The following ESR1 variants were observed in gnomAD, a reference collection of about 807,000 sequenced individuals.
The protein encoded by ESR1 is estrogen receptor.
A neutral mutation model predicts 52.7 loss-of-function variants in ESR1; 12 were observed. The ratio of observed to expected loss-of-function variants is 0.23; its 90% confidence interval spans 0.15 to 0.37. ESR1 has a LOEUF of 0.37. ESR1 is among the 10% of genes least tolerant of loss of function. The probability of loss-of-function intolerance (pLI) is 1.00; values close to 1 mark genes in which losing one functional copy is unlikely to be tolerated. For synonymous variants in ESR1, 305 were observed against 316.8 expected, an observed-to-expected ratio of 0.96 and a Z score of 0.39; for missense variants, 584 against 779.7, an observed-to-expected ratio of 0.75 and a Z score of 2.99.
At chr6:152,085,892 T>G (rs561205673) in intron 6 of ESR1, among the ~76,000 whole-genome samples, 1 of 152,164 alleles carries the variant, frequency 6.6e-6, no homozygotes, top group Non-Finnish European at 1.5e-5. Context: ...ATAGGAGATA[T>G]TGGTGTGGTC....
Position 152,099,659 on chromosome 6 carries a change from T to A in ESR1, c.*693T>A. ...ATGTGCTGAAAGCTCTGCCTCTGGC[T>A]TTCCGGTCATGGGTTCCAGTTAATT... is the stretch of plus-strand genomic sequence containing the variant. On this transcript the variant is annotated 3_prime_UTR_variant, in exon 8 of 8. Coordinates refer to ENST00000206249, the MANE Select transcript of ESR1 (RefSeq NM_000125.4). The A allele has an allele frequency of 3.9e-6, 1 of 257,420 alleles. No individual in the cohort carries two copies. The highest frequency in any genetic ancestry group is 7.4e-6 in the Non-Finnish European group (1 of 135,096). 15.9% of individuals were successfully genotyped at this position (257,420 alleles called of 1,614,324 possible). A position where few individuals can be genotyped will look rare whatever the true frequency, so the allele number is the denominator to read the frequency against.
chr6:152,049,546 A>G (rs1458362197), intron 5 of ESR1, among the ~76,000 whole-genome samples: 1 of 152,220 alleles, frequency 6.6e-6, no homozygotes, highest in Non-Finnish European at 1.5e-5. Context: ...AATTTCCACA[A>G]TAACCATTTG....
chr6:151,713,251 C>T (rs7455028), intron 2 of ESR1, among the ~76,000 whole-genome samples: 39,076 of 151,994 alleles, frequency 0.26, 5,224 homozygotes, highest in Non-Finnish European at 0.27. Flanking sequence ...AGTATTTTAT[C>T]GAGGATTTTT....
intron 2 of ESR1, among the ~76,000 whole-genome samples, chr6:151,729,686 A>G (rs1459194504): frequency 2.0e-5 from 3 of 152,128 alleles, no homozygotes; most frequent in East Asian, 3.9e-4. Flanking sequence ...CTATTCCTCT[A>G]TTTACAGATG....
At chr6:151,824,720 A>G (rs1781175193) in intron 1 of ESR1, among the ~76,000 whole-genome samples, 1 of 152,156 alleles carries the variant, frequency 6.6e-6, no homozygotes, top group South Asian at 2.1e-4. Context: ...TGGGAGGCCA[A>G]GGCCTCCTGG....
chr6:151,921,693 T>C (rs959676606), intron 3 of ESR1, among the ~76,000 whole-genome samples: 1 of 152,220 alleles, frequency 6.6e-6, no homozygotes, highest in African/African-American at 2.4e-5. Flanking sequence ...TGATCAGTGA[T>C]GTTGAGCTTT....
chr6:151,836,893 T>C (rs574743573), intron 1 of ESR1, among the ~76,000 whole-genome samples: 13 of 152,304 alleles, frequency 8.5e-5, no homozygotes, highest in African/African-American at 2.6e-4. Flanking sequence ...AAACCAAGGC[T>C]TCTTAAATTT....
intron 5 of ESR1, among the ~76,000 whole-genome samples, chr6:152,030,489 T>C (rs1443880519): frequency 1.3e-5 from 2 of 152,162 alleles, no homozygotes; most frequent in Non-Finnish European, 2.9e-5. Context: ...GTTGCAATCC[T>C]AGTCTCTGTT....
chr6:151,783,177 C>A (rs1216515707), intron 2 of ESR1, among the ~76,000 whole-genome samples: 3 of 152,226 alleles, frequency 2.0e-5, no homozygotes, highest in Non-Finnish European at 4.4e-5. Context: ...TGAAATCCAG[C>A]CCCAGTCAGC....
chr6:151,977,108 A>G (rs770692875), intron 4 of ESR1, among the ~76,000 whole-genome samples: 19 of 152,114 alleles, frequency 1.2e-4, no homozygotes, highest in Non-Finnish European at 2.6e-4. Context: ...AAAGTATGCC[A>G]TTGTAGAGAG....
rs527946845 is a variant in ESR1, at chr6:151,846,287, C to T, written c.643+3500C>T. On this transcript the variant is annotated intron_variant, in intron 2 of 7. Transcript: ENST00000206249. ...ATTTAATCCTAGACTGTGTAAAAAC[C>T]AAGTAATTGATTTCCTTTATACTTT... Among the ~76,000 whole-genome samples, 6 of 152,248 alleles carry T rather than the reference C, an allele frequency of 3.9e-5. No homozygotes were observed. The East Asian group carries it at 1.2e-3, about 29-fold the overall frequency.
intron 2 of ESR1, among the ~76,000 whole-genome samples, chr6:151,716,927 C>T (rs562223313): frequency 5.3e-5 from 8 of 152,316 alleles, no homozygotes; most frequent in African/African-American, 1.9e-4. Flanking sequence ...CAAATGGCTG[C>T]CCAGTTTTTG....
chr6:152,008,826 G>A (rs979596108), intron 4 of ESR1, among the ~76,000 whole-genome samples: 6 of 152,066 alleles, frequency 3.9e-5, no homozygotes, highest in East Asian at 1.9e-4. Flanking sequence ...TTAATGTACC[G>A]TGTAAGTTTA....
At chr6:151,812,668 G>A (rs1250802579) in intron 1 of ESR1, among the ~76,000 whole-genome samples, 7 of 152,120 alleles carry the variant, frequency 4.6e-5, no homozygotes, top group South Asian at 2.1e-4. Context: ...AGAGAGCAGC[G>A]TGCTAAGTGT....
Position 151,784,939 on chromosome 6 carries a change from C to T in ESR1, c.-70-22904C>T, listed in dbSNP as rs556951920. On this transcript the variant is annotated intron_variant, in intron 2 of 2. Transcript: ENST00000404742. ...AGGAGTTAATGCTACATTCTAGGGACATTTTTTTCTTCTCTGGAAACTTCA... is the reference window on the plus strand; with the variant it reads ...AGGAGTTAATGCTACATTCTAGGGATATTTTTTTCTTCTCTGGAAACTTCA... Among the ~76,000 whole-genome samples, 139 of 152,300 alleles carry T rather than the reference C, an allele frequency of 9.1e-4. 1 individual carries two copies. The highest frequency in any genetic ancestry group is 3.3e-3 in the African/African-American group (136 of 41,564).
intron 1 of ESR1, among the ~76,000 whole-genome samples, chr6:151,675,820 T>G (rs573896218): frequency 6.6e-6 from 1 of 152,126 alleles, no homozygotes; most frequent in Non-Finnish European, 1.5e-5. Context: ...ATTAGCAAAA[T>G]TCGAATTGAT....
intron 1 of ESR1, among the ~76,000 whole-genome samples, chr6:151,657,608 A>G (rs1461880672): frequency 6.6e-6 from 1 of 152,148 alleles, no homozygotes; most frequent in Non-Finnish European, 1.5e-5. Context: ...TCACTGGTGA[A>G]CTTTTCATGC....
chr6:151,671,628 T>C (rs143172645), intron 1 of ESR1, among the ~76,000 whole-genome samples: 216 of 152,312 alleles, frequency 1.4e-3, no homozygotes, highest in Admixed American at 5.4e-3. Context: ...GCATGGTGAC[T>C]GTAGTTAATA....
intron 4 of ESR1, among the ~76,000 whole-genome samples, chr6:151,972,846 G>A (rs1457284603): frequency 6.6e-6 from 1 of 152,194 alleles, no homozygotes; most frequent in Non-Finnish European, 1.5e-5. Flanking sequence ...GAAGCCAAAA[G>A]TGCAGCCTTC....
Sources: allele counts gnomAD v4.1 joint callset (sites outside exome capture counted in the v4.1 genomes callset), GRCh38; gene constraint gnomAD v4.1.1; transcripts MANE v1.5; gene names NCBI Gene and HGNC (gene_info 2026-07-23, HGNC 2026-07-21).